CLEC18A: variants seen among roughly 807,000 people sequenced by gnomAD.
The protein encoded by CLEC18A is mannose receptor-like 1.
A neutral mutation model predicts 24.0 loss-of-function variants in CLEC18A; 5 were observed. The ratio of observed to expected loss-of-function variants is 0.21; its 90% CI spans 0.11 to 0.44. The LOEUF is 0.44. CLEC18A is among the 20% of genes least tolerant of loss of function. The pLI, the probability that CLEC18A is intolerant of heterozygous loss-of-function variation, is 0.99. For synonymous variants in CLEC18A, 29 were observed against 100.1 expected (o/e 0.29, Z 4.24); for missense variants, 83 against 233.4 (o/e 0.36, Z 4.20).
At chr16:69,943,843 T>TC in the CLEC18A span, among the ~76,000 whole-genome samples, 1 of 143,822 alleles carries the variant, frequency 7.0e-6, no homozygotes, top group Non-Finnish European at 1.5e-5. Flanking sequence ...GCCCAGCTGG[T>TC]CCCACTCCGC....
chr16:69,948,291 ATAGGTGTGAGTGAGC>A (rs1413434673), upstream of CLEC18A, among the ~76,000 whole-genome samples: 1 of 107,390 alleles, frequency 9.3e-6, no homozygotes, highest in Non-Finnish European at 1.9e-5. Flanking sequence ...TGCTGGGATT[ATAGGTGTGAGTGAGC>A]TACTACGCCT....
At chr16:69,954,202 C>G in intron 2 of CLEC18A, 132 bp from the exon 3 acceptor site, 1 of 1,301,594 alleles carries the variant, frequency 7.7e-7, no homozygotes, top group Non-Finnish European at 1.1e-6. Flanking sequence ...AGCAGGACTC[C>G]TCATCCAGTG....
At chr16:69,965,233 C>G (rs920291617), downstream of CLEC18A, among the ~76,000 whole-genome samples, 1 of 151,896 alleles carries the variant, frequency 6.6e-6, no homozygotes, top group Non-Finnish European at 1.5e-5. Flanking sequence ...CTCTACCTCC[C>G]GCGAAGGCGC....
intron 3 of CLEC18A, among the ~76,000 whole-genome samples, chr16:69,956,295 C>T (rs1418166556): frequency 2.9e-5 from 4 of 137,250 alleles, no homozygotes; most frequent in Non-Finnish European, 6.1e-5. Flanking sequence ...TGCCAAAGTG[C>T]TTACGCCAAC....
At chr16:69,964,648 C>T (rs547413792), downstream of CLEC18A, among the ~76,000 whole-genome samples, 87 of 151,208 alleles carry the variant, frequency 5.8e-4, 2 homozygotes, top group Non-Finnish European at 8.6e-4. Flanking sequence ...TACAGACGCC[C>T]GCCACCACGC....
chr16:69,955,566 G>C (rs1489598421), intron 3 of CLEC18A, among the ~76,000 whole-genome samples: 1 of 150,214 alleles, frequency 6.7e-6, no homozygotes. Context: ...GGCCAGGCTG[G>C]GTCTCAAACT....
chr16:69,964,834 C>T (rs1391949611), downstream of CLEC18A, among the ~76,000 whole-genome samples: 12 of 152,074 alleles, frequency 7.9e-5, no homozygotes, highest in African/African-American at 2.9e-4. Flanking sequence ...CAGAGTCTCG[C>T]TTTGTCGTAC....
At chr16:69,948,379 TTTTG>T (rs1555507355), upstream of CLEC18A, among the ~76,000 whole-genome samples, 2 of 138,126 alleles carry the variant, frequency 1.4e-5, no homozygotes, top group Admixed American at 7.3e-5. Context: ...TAAATGTTTT[TTTTG>T]TTTGTTTGTT....
upstream of CLEC18A, among the ~76,000 whole-genome samples, chr16:69,946,392 A>ATTTTTTTTTTTT (rs56112480): frequency 1.2e-5 from 1 of 84,062 alleles, no homozygotes; most frequent in Non-Finnish European, 2.3e-5. Flanking sequence ...ATGTGTATGG[A>ATTTTTTTTTTTT]TTTTTTTTTT....
upstream of CLEC18A, among the ~76,000 whole-genome samples, chr16:69,946,765 C>T (rs2058912178): frequency 7.6e-6 from 1 of 131,442 alleles, no homozygotes; most frequent in South Asian, 2.6e-4. Flanking sequence ...TGTAGAAATG[C>T]AGTGGATTTT....
At chr16:69,966,369 T>G (rs62050614), downstream of CLEC18A, among the ~76,000 whole-genome samples, 565 of 108,736 alleles carry the variant, frequency 5.2e-3, 7 homozygotes, top group Non-Finnish European at 7.6e-3. Flanking sequence ...CCCAGGCGGT[T>G]GAGGCATTCT....
rs1305615508 is a variant in CLEC18A at position 69,951,714 on chromosome 16, G to A, written c.124+224G>A. 2.9e-5 allele frequency: 10 copies of A among 347,846 alleles called. 3 individuals are homozygous for A. The highest frequency in any genetic ancestry group is 1.7e-4 in the African/African-American group (6 of 34,490). The allele number at this position is 347,846 out of a possible 1,614,324, so 21.5% of individuals were successfully genotyped here. A position where few individuals can be genotyped will look rare whatever the true frequency, so the allele number is the denominator to read the frequency against. ...AGGGCTGGGGTCAAGGAGGAACGCC[G>A]AGGGGCGCTGTGGCTGGGGCCTGGA... On this transcript the variant is annotated intron_variant, in intron 1 of 11. Transcript: ENST00000288040.
chr16:69,954,338 G>A lies in CLEC18A; in HGVS notation c.221G>A (p.Trp74Ter), dbSNP rs777414088. Residue 74 changes from tryptophan (W) to a stop codon, truncating the protein, a stop_gained, in exon 3 of 12, where the codon TGG (tryptophan) becomes TAG (stop). Transcript: ENST00000288040. LOFTEE classifies it high-confidence loss of function. ...GTCTGTTTGTGCTGCCCCCAGGACT[G>A]GAGTGACAGCCTGGCCCAGCTGGCT... ...PPAADMRRLD[W>*]SDSLAQLAQA... The A allele has an allele frequency of 4.4e-6, 7 of 1,583,456 alleles. No homozygotes were observed. The South Asian group carries it at 4.4e-5, about 10-fold the overall frequency.
downstream of CLEC18A, among the ~76,000 whole-genome samples, chr16:69,964,609 C>G (rs1275158579): frequency 6.6e-6 from 1 of 150,994 alleles, no homozygotes; most frequent in Admixed American, 6.6e-5. Context: ...ACGCCATTGT[C>G]CTGCCTCAGC....
chr16:69,944,784 T>A, the CLEC18A span, among the ~76,000 whole-genome samples: 6 of 111,952 alleles, frequency 5.4e-5, no homozygotes, highest in South Asian at 7.1e-4. Flanking sequence ...TGCAGTGAGC[T>A]GAGATGGCGC....
At chr16:69,953,635 T>G (rs1390863950) in intron 2 of CLEC18A, 1 of 126,770 alleles carries the variant, frequency 7.9e-6, no homozygotes, top group African/African-American at 2.6e-5. Flanking sequence ...TGGCCAACAG[T>G]GAAACCCCGT....
At chr16:69,956,091 A>G (rs866379550) in intron 3 of CLEC18A, among the ~76,000 whole-genome samples, 752 of 141,414 alleles carry the variant, frequency 5.3e-3, no homozygotes, top group African/African-American at 0.023. Flanking sequence ...ACAAAAAAAT[A>G]CATAAATTAC....
upstream of CLEC18A, among the ~76,000 whole-genome samples, chr16:69,946,042 C>G: frequency 7.4e-6 from 1 of 135,844 alleles, no homozygotes; most frequent in Non-Finnish European, 1.6e-5. Context: ...GCAGTGAGCC[C>G]AGATCGCGCC....
chr16:69,966,426 G>A (rs1959394563), downstream of CLEC18A, among the ~76,000 whole-genome samples: 1 of 133,128 alleles, frequency 7.5e-6, no homozygotes, highest in South Asian at 2.4e-4. Context: ...TAAAGAAGCC[G>A]CGGCCAAAAC....
Sources: gnomAD v4.1 joint callset for allele counts (sites outside exome capture counted in the v4.1 genomes callset) on GRCh38, gnomAD v4.1.1 for gene constraint, MANE v1.5 for transcripts, NCBI Gene and HGNC (gene_info 2026-07-23, HGNC 2026-07-21) for gene names.